The following N4BP2 variants were observed in gnomAD, a reference collection of about 807,000 sequenced individuals.
N4BP2 encodes the protein NEDD4-binding protein 2.
Under a neutral mutation model 152.8 loss-of-function variants are expected in N4BP2, and 91 were observed. The observed-to-expected ratio is 0.60, with a 90% confidence interval of 0.50 to 0.71. The LOEUF is 0.71. Among genes scored for constraint, N4BP2 ranks in the 30% least tolerant of loss-of-function variants. The pLI is 0.00. For missense variants in N4BP2, 1,923 were observed against 2,059.1 expected (o/e 0.93, Z 1.28); for synonymous variants, 646 against 705.3 (o/e 0.92, Z 1.33).
At chr4:40,084,448 T>C (rs973833057) in intron 2 of N4BP2, among the ~76,000 whole-genome samples, 4 of 150,518 alleles carry the variant, frequency 2.7e-5, no homozygotes, top group African/African-American at 7.3e-5. Context: ...TTTTTTTTTT[T>C]CCTCCGAGAT....
chr4:40,123,605 T>G (rs1450932161), intron 10 of N4BP2, among the ~76,000 whole-genome samples: 1 of 151,936 alleles, frequency 6.6e-6, no homozygotes, highest in African/African-American at 2.4e-5. Flanking sequence ...TGCCTTAGCC[T>G]CCAGAGTAGG....
intron 5 of N4BP2, among the ~76,000 whole-genome samples, chr4:40,107,539 G>A (rs1253025477): frequency 2.0e-5 from 3 of 151,616 alleles, no homozygotes; most frequent in African/African-American, 7.3e-5. Context: ...GCATGCCACC[G>A]CACCTGGCTA....
the N4BP2 span, among the ~76,000 whole-genome samples, chr4:40,170,985 C>T: frequency 6.6e-6 from 1 of 152,156 alleles, no homozygotes; most frequent in Non-Finnish European, 1.5e-5. Flanking sequence ...GATTTATTTA[C>T]TTTCTTGGCA....
chr4:40,070,588 C>T (rs1343691285), intron 1 of N4BP2, among the ~76,000 whole-genome samples: 1 of 151,828 alleles, frequency 6.6e-6, no homozygotes, highest in East Asian at 1.9e-4. Flanking sequence ...TGGCTGGGGG[C>T]TACAGGCACA....
At chr4:40,119,846 C>T (rs2109993428) in intron 8 of N4BP2, 86 bp from the exon 9 acceptor site, 11 of 611,474 alleles carry the variant, frequency 1.8e-5, no homozygotes, top group South Asian at 5.9e-5. Flanking sequence ...TGTTAAGTGC[C>T]CTGTCAATTA....
chr4:40,102,791 G>C lies in N4BP2; in HGVS notation c.946G>C (p.Asp316His), dbSNP rs749666343. 1 of 1,614,166 alleles carries C rather than the reference G, an allele frequency of 6.2e-7. No individual in the cohort carries two copies. The highest frequency in any genetic ancestry group is 1.1e-5 in the South Asian group (1 of 91,076). Residue 316 changes from aspartate to histidine, a missense_variant, in exon 4 of 18, where the codon GAT becomes CAT. Coordinates refer to ENST00000261435, the MANE Select transcript of N4BP2 (RefSeq NM_018177.6). ...GGDQKSTRVS[D>H]VFLPSEGFNF... ...GGATCAGAAATCTACTCGGGTCTCTGATGTGTTTCTACCTTCCGAAGGGTT... is the reference window on the plus strand; with the variant it reads ...GGATCAGAAATCTACTCGGGTCTCTCATGTGTTTCTACCTTCCGAAGGGTT...
Position 40,104,578 on chromosome 4 carries a change from A to C in N4BP2, c.1373+1360A>C, listed in dbSNP as rs1716060657. Among the ~76,000 whole-genome samples, 6 of 152,264 alleles carry C rather than the reference A, an allele frequency of 3.9e-5. No homozygotes were observed. The South Asian group carries it at 1.2e-3, about 32-fold the overall frequency. On this transcript the variant is annotated intron_variant, in intron 4 of 17. Coordinates refer to ENST00000261435, the MANE Select transcript of N4BP2 (RefSeq NM_018177.6). Reference sequence around the variant, plus strand: ...ATTTAATATTATAGATGTTACTGTCAGTCATGGCAGTGTGTTTCATGAAAG... The same window carrying C: ...ATTTAATATTATAGATGTTACTGTCCGTCATGGCAGTGTGTTTCATGAAAG...
chr4:40,099,690 T>A (rs891971196), intron 3 of N4BP2, among the ~76,000 whole-genome samples: 13 of 152,064 alleles, frequency 8.5e-5, no homozygotes, highest in Admixed American at 2.6e-4. Flanking sequence ...TGAAAAAAAA[T>A]TTTTTTATAC....
the N4BP2 span, among the ~76,000 whole-genome samples, chr4:40,171,329 G>A: frequency 6.6e-6 from 1 of 152,142 alleles, no homozygotes; most frequent in Non-Finnish European, 1.5e-5. Context: ...GAAAGAGAGT[G>A]CCATCTTGTT....
intron 5 of N4BP2, among the ~76,000 whole-genome samples, chr4:40,108,329 T>G (rs141326820): frequency 1.7e-3 from 259 of 152,038 alleles, no homozygotes; most frequent in African/African-American, 5.9e-3. Context: ...TCTTTTTTTT[T>G]TGAGACGAAG....
chr4:40,092,134 T>A (rs1219098185), intron 2 of N4BP2, among the ~76,000 whole-genome samples: 1 of 145,592 alleles, frequency 6.9e-6, no homozygotes, highest in Non-Finnish European at 1.5e-5. Flanking sequence ...TGTACTGGCT[T>A]TGTCTGCTTT....
chr4:40,071,284 T>TATTCC (rs1553918060), intron 1 of N4BP2, among the ~76,000 whole-genome samples: 1 of 152,152 alleles, frequency 6.6e-6, no homozygotes, highest in African/African-American at 2.4e-5. Flanking sequence ...CTTCTTCCTC[T>TATTCC]ATCCCCTATA....
At chr4:40,093,587 A>G (rs1560586225) in intron 2 of N4BP2, among the ~76,000 whole-genome samples, 1 of 150,364 alleles carries the variant, frequency 6.7e-6, no homozygotes, top group Non-Finnish European at 1.5e-5. Context: ...TTGTATTTGT[A>G]TTATTTATTT....
At position 40,112,901 on chromosome 4, in the gene N4BP2, A is replaced by C. The variant is rs140824406; in HGVS notation, c.1588-531A>C. Among the ~76,000 whole-genome samples the C allele has an allele frequency of 5.9e-3, 892 of 152,216 alleles. 7 individuals carry two copies. The highest frequency in any genetic ancestry group is 0.02 in the African/African-American group (849 of 41,522). On this transcript the variant is annotated intron_variant, in intron 6 of 17. Transcript: ENST00000261435. ...GTATTTTTAGTATAGACAGGATTTC[A>C]CCATGGTGGCCAGGCTGGTCTTGAA...
At chr4:40,141,419 C>T (rs1474725272) in intron 14 of N4BP2, among the ~76,000 whole-genome samples, 2 of 151,236 alleles carry the variant, frequency 1.3e-5, no homozygotes, top group South Asian at 2.1e-4. Flanking sequence ...GGGTCGCGGC[C>T]GGGTAGAGGC....
intron 2 of N4BP2, among the ~76,000 whole-genome samples, chr4:40,086,265 G>GT (rs1486173950): frequency 6.6e-6 from 1 of 151,736 alleles, no homozygotes; most frequent in Non-Finnish European, 1.5e-5. Flanking sequence ...AAGTCCAGGA[G>GT]TTTGAGACCA....
At chr4:40,144,206 A>G (rs1161481812) in intron 15 of N4BP2, among the ~76,000 whole-genome samples, 4 of 152,162 alleles carry the variant, frequency 2.6e-5, no homozygotes, top group Non-Finnish European at 5.9e-5. Flanking sequence ...GCCTGCCCGC[A>G]TGGAGGGGAG....
At chr4:40,088,661 T>C (rs919729428) in intron 2 of N4BP2, among the ~76,000 whole-genome samples, 14 of 152,086 alleles carry the variant, frequency 9.2e-5, no homozygotes, top group African/African-American at 3.4e-4. Flanking sequence ...CCACTACGCC[T>C]GGCTAATTTT....
chr4:40,182,412 T>A, the N4BP2 span, among the ~76,000 whole-genome samples: 1 of 152,188 alleles, frequency 6.6e-6, no homozygotes, highest in Non-Finnish European at 1.5e-5. Flanking sequence ...GTATAAATCC[T>A]TCCAGGGATG....
Sources: gnomAD v4.1 joint callset for allele counts (sites outside exome capture counted in the v4.1 genomes callset) on GRCh38, gnomAD v4.1.1 for gene constraint, MANE v1.5 for transcripts, NCBI Gene and HGNC (gene_info 2026-07-23, HGNC 2026-07-21) for gene names.